COMMD10: variants seen among roughly 807,000 people sequenced by gnomAD.
The protein encoded by COMMD10 is COMM domain containing 10.
In COMMD10, 33 loss-of-function variants were observed where a neutral mutation model predicts 28.9. The observed-to-expected ratio is 1.14, with a 90% confidence interval of 0.87 to 1.53. COMMD10 has a LOEUF of 1.53. COMMD10 is among the 40% of genes most tolerant of loss of function. The pLI, the probability that COMMD10 is intolerant of heterozygous loss-of-function variation, is 0.00. For synonymous variants in COMMD10, 110 were observed against 81.7 expected (o/e 1.35, Z -1.87); for missense variants, 310 against 233.4 (o/e 1.33, Z -2.14).
intron 5 of COMMD10, among the ~76,000 whole-genome samples, chr5:116,228,511 AT>A (rs1432304027): frequency 6.6e-6 from 1 of 151,962 alleles, no homozygotes. Flanking sequence ...GTTTCAAAAA[AT>A]GTTTGAAAAT....
chr5:116,106,333 G>T (rs1298443593), intron 4 of COMMD10, among the ~76,000 whole-genome samples: 2 of 152,160 alleles, frequency 1.3e-5, no homozygotes, highest in African/African-American at 2.4e-5. Flanking sequence ...TTTGATTGCA[G>T]TGTGGTCCGA....
intron 5 of COMMD10, among the ~76,000 whole-genome samples, chr5:116,157,390 T>G (rs957143510): frequency 6.6e-6 from 1 of 152,176 alleles, no homozygotes; most frequent in South Asian, 2.1e-4. Context: ...GCTTGGCTGA[T>G]CCAAGGCTGA....
intron 1 of COMMD10, 55 bp downstream of exon 1, chr5:116,085,148 G>T (rs1014913916): frequency 6.2e-6 from 9 of 1,456,026 alleles, no homozygotes; most frequent in Non-Finnish European, 8.3e-6. Context: ...CCCAGATCGG[G>T]CTCGCACAAG....
intron 5 of COMMD10, among the ~76,000 whole-genome samples, chr5:116,210,276 T>C (rs1001342801): frequency 2.6e-5 from 4 of 151,984 alleles, no homozygotes; most frequent in Admixed American, 6.6e-5. Flanking sequence ...AGTTATGTAT[T>C]TTGTTAAACT....
intron 5 of COMMD10, among the ~76,000 whole-genome samples, chr5:116,223,196 A>AT (rs564098613): frequency 6.7e-4 from 102 of 151,390 alleles, no homozygotes; most frequent in Middle Eastern, 3.4e-3. Flanking sequence ...TCTATATTGG[A>AT]TTTTTTTTTG....
chr5:116,153,769 C>G (rs1465981795), intron 5 of COMMD10, among the ~76,000 whole-genome samples: 1 of 152,042 alleles, frequency 6.6e-6, no homozygotes, highest in African/African-American at 2.4e-5. Flanking sequence ...TATTCTTTAT[C>G]TTGCTCTTAA....
intron 5 of COMMD10, among the ~76,000 whole-genome samples, chr5:116,204,260 A>G (rs918804963): frequency 6.6e-6 from 1 of 152,212 alleles, no homozygotes; most frequent in African/African-American, 2.4e-5. Context: ...GTGACCTACA[A>G]GGAGACTTAG....
chr5:116,283,201 C>T (rs754525996), intron 5 of COMMD10, among the ~76,000 whole-genome samples: 1 of 151,898 alleles, frequency 6.6e-6, no homozygotes, highest in Non-Finnish European at 1.5e-5. Flanking sequence ...AACAACCATT[C>T]TACCTACAAC....
chr5:116,203,693 G>A lies in COMMD10; in HGVS notation c.510+69515G>A, dbSNP rs192109883. 4.8e-3 allele frequency among the ~76,000 whole-genome samples: 724 copies of A among 152,098 alleles called. 5 individuals carry two copies. The highest frequency in any genetic ancestry group is 0.015 in the African/African-American group (614 of 41,502). On this transcript the variant is annotated intron_variant, in intron 5 of 6. Transcript: ENST00000274458. The stretch of plus-strand genomic sequence containing the variant: ...TACTTTACAGACAAGCAAATGCTGA[G>A]AGATTTTGTCACCACCAGGCCTGCC...
intron 4 of COMMD10, among the ~76,000 whole-genome samples, chr5:116,125,799 C>T (rs1055713293): frequency 2.2e-4 from 33 of 151,598 alleles, no homozygotes; most frequent in African/African-American, 7.5e-4. Flanking sequence ...TTCATTTGAT[C>T]GTCAGTCACT....
intron 5 of COMMD10, among the ~76,000 whole-genome samples, chr5:116,202,536 C>T (rs553389889): frequency 2.0e-5 from 3 of 151,408 alleles, no homozygotes; most frequent in African/African-American, 7.3e-5. Context: ...TCCACATCCT[C>T]TCCAGCACCT....
In COMMD10 at chr5:116,286,920, A is replaced by T. The variant is rs147283220; in HGVS notation, c.511-4597A>T. Among the ~76,000 whole-genome samples, 389 of 151,898 alleles carry T rather than the reference A, an allele frequency of 2.6e-3. 1 individual carries two copies. The highest frequency in any genetic ancestry group is 4.4e-3 in the Non-Finnish European group (299 of 67,914). ...TCTTGTTTCCTTGTTGATTTTCTGAATAATTCTGTTCATTGTTGAAAGTGG... is the reference window on the plus strand; with the variant it reads ...TCTTGTTTCCTTGTTGATTTTCTGATTAATTCTGTTCATTGTTGAAAGTGG... On this transcript the variant is annotated intron_variant, in intron 5 of 6. Transcript: ENST00000274458.
At chr5:116,255,212 T>C (rs933918505) in intron 5 of COMMD10, among the ~76,000 whole-genome samples, 10 of 151,872 alleles carry the variant, frequency 6.6e-5, no homozygotes, top group African/African-American at 2.4e-4. Context: ...GAGATGGGTT[T>C]CCTGAACACA....
chr5:116,272,520 C>T (rs1240406856), intron 5 of COMMD10, among the ~76,000 whole-genome samples: 9 of 151,762 alleles, frequency 5.9e-5, no homozygotes, highest in Non-Finnish European at 1.2e-4. Flanking sequence ...GGCAAAATGA[C>T]TTGAACATCC....
chr5:116,283,432 C>T (rs1437176993), intron 5 of COMMD10, among the ~76,000 whole-genome samples: 3 of 151,478 alleles, frequency 2.0e-5, no homozygotes, highest in Non-Finnish European at 4.4e-5. Context: ...CTGCAACCTC[C>T]ACCTCCCGGG....
chr5:116,259,918 C>T (rs1341457795), intron 5 of COMMD10, among the ~76,000 whole-genome samples: 1 of 151,660 alleles, frequency 6.6e-6, no homozygotes, highest in Admixed American at 6.6e-5. Context: ...CTCACACTTT[C>T]TTGTTTTAGC....
At chr5:116,105,627 A>G (rs936568854) in intron 4 of COMMD10, among the ~76,000 whole-genome samples, 2 of 152,164 alleles carry the variant, frequency 1.3e-5, no homozygotes, top group South Asian at 2.1e-4. Flanking sequence ...CTACTGCCTC[A>G]GTTTCAGAAC....
At chr5:116,095,861 TTTG>T (rs1750451661) in intron 4 of COMMD10, among the ~76,000 whole-genome samples, 1 of 152,124 alleles carries the variant, frequency 6.6e-6, no homozygotes, top group Non-Finnish European at 1.5e-5. Flanking sequence ...TCCAATGTGA[TTTG>T]TTGTTAAAAT....
intron 5 of COMMD10, among the ~76,000 whole-genome samples, chr5:116,257,729 C>G (rs568106671): frequency 6.6e-6 from 1 of 151,502 alleles, no homozygotes; most frequent in Admixed American, 6.6e-5. Flanking sequence ...AATAATATAT[C>G]AAATAAAAGG....
Sources: gnomAD v4.1 joint callset for allele counts (sites outside exome capture counted in the v4.1 genomes callset) on GRCh38, gnomAD v4.1.1 for gene constraint, MANE v1.5 for transcripts, NCBI Gene and HGNC (gene_info 2026-07-23, HGNC 2026-07-21) for gene names.